The following CNBD1 variants were observed in gnomAD, a reference collection of about 807,000 sequenced individuals.
CNBD1 encodes cyclic nucleotide-binding domain-containing protein 1.
A neutral mutation model predicts 54.4 loss-of-function variants in CNBD1; 71 were observed. The ratio of observed to expected loss-of-function variants is 1.30; its 90% CI spans 1.08 to 1.59. The LOEUF is 1.59. Among genes scored for constraint, CNBD1 ranks in the 40% most tolerant of loss-of-function variants. The pLI, the probability that CNBD1 is intolerant of heterozygous loss-of-function variation, is 0.00. For missense variants in CNBD1, 659 were observed against 518.0 expected (o/e 1.27, Z -2.64); for synonymous variants, 182 against 170.7 (o/e 1.07, Z -0.51).
intron 8 of CNBD1, among the ~76,000 whole-genome samples, chr8:87,324,082 T>G (rs890598112): frequency 8.0e-6 from 1 of 125,684 alleles, no homozygotes; most frequent in African/African-American, 3.0e-5. Flanking sequence ...TGTCTTTGGC[T>G]CTTTTTATAT....
intron 2 of CNBD1, among the ~76,000 whole-genome samples, chr8:87,388,124 A>T (rs1191383587): frequency 6.6e-6 from 1 of 152,246 alleles, no homozygotes; most frequent in Non-Finnish European, 1.5e-5. Flanking sequence ...GGAAATTTAT[A>T]GCACTAAATG....
intron 4 of CNBD1, among the ~76,000 whole-genome samples, chr8:87,006,218 G>T (rs986399382): frequency 1.1e-4 from 16 of 152,088 alleles, no homozygotes; most frequent in African/African-American, 3.9e-4. Flanking sequence ...GGAAAAAAGT[G>T]TCCTCCTCTC....
At chr8:86,960,341 G>A (rs1046843798) in intron 4 of CNBD1, among the ~76,000 whole-genome samples, 4 of 152,122 alleles carry the variant, frequency 2.6e-5, no homozygotes, top group African/African-American at 4.8e-5. Context: ...ATTATATCCC[G>A]CTCCTGGCTC....
At position 87,163,354 on chromosome 8, in the gene CNBD1, A is replaced by G. The variant is rs1812895224; in HGVS notation, c.432-42639A>G. ...TTAGAATTGTTTTTTCCATTTCTGTAAAAAAAAAAATTAGAATTTTGATAG... is the reference window on the plus strand; with the variant it reads ...TTAGAATTGTTTTTTCCATTTCTGTGAAAAAAAAAATTAGAATTTTGATAG... On this transcript the variant is annotated intron_variant, in intron 4 of 10. Coordinates refer to ENST00000518476, the MANE Select transcript of CNBD1 (RefSeq NM_173538.3). The surrounding 1 kb of genome is among the most constrained non-coding windows in gnomAD (Gnocchi z 4.5). 6.9e-6 allele frequency among the ~76,000 whole-genome samples: 1 copy of G among 145,670 alleles called. No individual in the cohort carries two copies. Among genetic ancestry groups the G allele is most frequent in the Non-Finnish European group, 1.5e-5 (1 of 66,016 alleles).
At chr8:87,209,211 TAATATC>T (rs1038639408) in intron 5 of CNBD1, among the ~76,000 whole-genome samples, 1 of 152,174 alleles carries the variant, frequency 6.6e-6, no homozygotes, top group African/African-American at 2.4e-5. Flanking sequence ...TAAAAAGAAT[TAATATC>T]AATTATTCTG....
intron 3 of CNBD1, among the ~76,000 whole-genome samples, chr8:86,918,938 T>C (rs1809229451): frequency 6.6e-6 from 1 of 151,960 alleles, no homozygotes. Context: ...ATTATTTCAC[T>C]CTATGTTCAT....
chr8:87,169,483 A>C (rs1813040821), intron 4 of CNBD1, among the ~76,000 whole-genome samples: 1 of 151,994 alleles, frequency 6.6e-6, no homozygotes, highest in Non-Finnish European at 1.5e-5. Flanking sequence ...ATCTTCGCCC[A>C]CCCTAACCTC....
intron 8 of CNBD1, among the ~76,000 whole-genome samples, chr8:87,335,629 G>C (rs192455115): frequency 9.9e-5 from 15 of 152,184 alleles, no homozygotes; most frequent in Non-Finnish European, 8.8e-5. Flanking sequence ...CTTGAATATA[G>C]CACACCAATG....
intron 8 of CNBD1, among the ~76,000 whole-genome samples, chr8:87,330,955 T>G (rs1267745127): frequency 6.6e-6 from 1 of 152,232 alleles, no homozygotes; most frequent in Non-Finnish European, 1.5e-5. Flanking sequence ...TCTGACAATG[T>G]CTGTCTTTTA....
chr8:87,031,128 G>T (rs560460960), intron 4 of CNBD1, among the ~76,000 whole-genome samples: 2 of 151,310 alleles, frequency 1.3e-5, no homozygotes, highest in South Asian at 2.1e-4. Flanking sequence ...TTTCAGCATC[G>T]ATATATAATT....
intron 8 of CNBD1, among the ~76,000 whole-genome samples, chr8:87,348,396 T>A (rs115836725): frequency 0.035 from 5,312 of 152,264 alleles, 297 homozygotes; most frequent in African/African-American, 0.12. Context: ...TCTAACCAAG[T>A]TATTTCTTAA....
At chr8:87,256,343 A>G (rs1377842464) in intron 6 of CNBD1, among the ~76,000 whole-genome samples, 1 of 151,724 alleles carries the variant, frequency 6.6e-6, no homozygotes, top group Non-Finnish European at 1.5e-5. Flanking sequence ...TTTTAAATTA[A>G]GAGAACTGTA....
intron 2 of CNBD1, among the ~76,000 whole-genome samples, chr8:86,896,675 A>G (rs1290170865): frequency 6.6e-6 from 1 of 152,122 alleles, no homozygotes; most frequent in East Asian, 1.9e-4. Context: ...GAATTCCTTC[A>G]TTAGTTAAAA....
chr8:87,330,685 G>T (rs774723949), intron 8 of CNBD1, among the ~76,000 whole-genome samples: 20 of 152,016 alleles, frequency 1.3e-4, no homozygotes, highest in Non-Finnish European at 2.2e-4. Context: ...CATTTTTAAG[G>T]TTGGTTTTAT....
chr8:87,043,265 C>A (rs916720620), intron 4 of CNBD1, among the ~76,000 whole-genome samples: 1 of 152,090 alleles, frequency 6.6e-6, no homozygotes, highest in Admixed American at 6.5e-5. Context: ...AATCTAGGAC[C>A]CTCCCTGACC....
chr8:87,117,936 T>C (rs1811807734), intron 4 of CNBD1, among the ~76,000 whole-genome samples: 1 of 152,204 alleles, frequency 6.6e-6, no homozygotes, highest in South Asian at 2.1e-4. Flanking sequence ...AAACAAACTT[T>C]TCTGCCCTAG....
intron 2 of CNBD1, among the ~76,000 whole-genome samples, chr8:87,423,222 C>G (rs559171652): frequency 4.2e-4 from 64 of 152,218 alleles, no homozygotes; most frequent in African/African-American, 1.4e-3. Flanking sequence ...CATCTGCAAA[C>G]AGGGACAATT....
At chr8:87,250,660 A>T (rs1009429510) in intron 6 of CNBD1, among the ~76,000 whole-genome samples, 3 of 152,244 alleles carry the variant, frequency 2.0e-5, no homozygotes, top group African/African-American at 7.2e-5. Flanking sequence ...ATGAAATCCT[A>T]TCATTTACAA....
intron 4 of CNBD1, among the ~76,000 whole-genome samples, chr8:87,003,555 CT>C (rs756734977): frequency 6.6e-6 from 1 of 152,092 alleles, no homozygotes; most frequent in Non-Finnish European, 1.5e-5. Flanking sequence ...GATAACAAAA[CT>C]TTATCAGTCA....
Sources: allele counts gnomAD v4.1 joint callset (sites outside exome capture counted in the v4.1 genomes callset), GRCh38; gene constraint gnomAD v4.1.1; non-coding constraint Gnocchi (gnomAD v3.1); transcripts MANE v1.5; gene names NCBI Gene and HGNC (gene_info 2026-07-23, HGNC 2026-07-21).